The following EDRF1 variants were observed in gnomAD, a reference collection of about 807,000 sequenced individuals.
EDRF1 encodes erythroid differentiation regulatory factor 1, also known as erythroid differentiation-related factor 1.
A neutral mutation model predicts 148.7 loss-of-function variants in EDRF1; 69 were observed. That is an observed-to-expected ratio of 0.46 (90% CI 0.38 to 0.57). The LOEUF (loss-of-function observed/expected upper bound fraction) is 0.57. Among genes scored for constraint, EDRF1 ranks in the 20% least tolerant of loss-of-function variants. The pLI is 0.00. For synonymous variants in EDRF1, 515 were observed against 532.8 expected (o/e 0.97, Z 0.46); for missense variants, 1,118 against 1,478.7 (o/e 0.76, Z 4.00).
intron 24 of EDRF1, 122 bp downstream of exon 24, chr10:125,753,967 G>A (rs1849766635): frequency 2.7e-6 from 3 of 1,094,432 alleles, no homozygotes; most frequent in Middle Eastern, 3.0e-4. Context: ...TGCAATCCCA[G>A]CACTTTGGGA....
rs117113023 is a variant in EDRF1 at position 125,732,332 on chromosome 10, G to C, written c.1129-1072G>C. Among the ~76,000 whole-genome samples the C allele has an allele frequency of 2.3e-3, 357 of 152,292 alleles. 9 individuals carry two copies. In the East Asian group the frequency reaches 0.059, roughly 25 times the overall value. The stretch of plus-strand genomic sequence containing the variant: ...CCAGGGTTTAGGGACTAGAATAATG[G>C]TGGTGCCATTTAGTGAGATAAGGAT... On this transcript the variant is annotated intron_variant, in intron 9 of 24. Coordinates refer to ENST00000356792, the MANE Select transcript of EDRF1 (RefSeq NM_001202438.2).
In EDRF1 at chr10:125,733,510, C is replaced by T. The variant is rs1314106028; in HGVS notation, c.1235C>T (p.Ser412Phe). ...IAQNILSFLKSNCTKEGHTYW... is the reference protein window; with the variant it reads ...IAQNILSFLKFNCTKEGHTYW... ...CAGAATATTTTATCATTTTTGAAAT[C>T]TAATTGTACCAAAGAAGGACATACC... is the stretch of plus-strand genomic sequence containing the variant. The change falls in exon 10 of 25, where the codon TCT (serine) becomes TTT (phenylalanine). Residue 412 changes from serine (S) to phenylalanine (F), a missense_variant. This residue lies in a region of EDRF1 where 954 missense variants were observed against 1,241.4 expected (regional missense o/e 0.77). Transcript: ENST00000356792. The T allele has an allele frequency of 6.3e-7, 1 of 1,598,784 alleles. No homozygotes were observed. Among genetic ancestry groups the T allele is most frequent in the Non-Finnish European group, 8.6e-7 (1 of 1,166,342 alleles).
chr10:125,740,894 C>A, intron 16 of EDRF1, 107 bp from the exon 17 acceptor site: 1 of 1,229,240 alleles, frequency 8.1e-7, no homozygotes, highest in Non-Finnish European at 1.2e-6. Flanking sequence ...AGAATAGATA[C>A]AGTGCTACAA....
At chr10:125,720,825 AAAG>A in intron 1 of EDRF1, among the ~76,000 whole-genome samples, 1 of 152,080 alleles carries the variant, frequency 6.6e-6, no homozygotes, top group South Asian at 2.1e-4. Flanking sequence ...AAAAAAAAAA[AAAG>A]AATTAAAATA....
chr10:125,747,283 G>A (rs1359266774), intron 19 of EDRF1: 3 of 496,582 alleles, frequency 6.0e-6, no homozygotes, highest in East Asian at 3.6e-5. Context: ...GAGTCAGAAA[G>A]CAGCAGCACG....
chr10:125,739,619 C>T (rs903500171), intron 15 of EDRF1, among the ~76,000 whole-genome samples: 1 of 152,202 alleles, frequency 6.6e-6, no homozygotes, highest in Non-Finnish European at 1.5e-5. Flanking sequence ...AATCCATACA[C>T]ACATTAAACC....
At chr10:125,752,968 G>A in intron 23 of EDRF1, 54 bp downstream of exon 23, 1 of 1,257,300 alleles carries the variant, frequency 8.0e-7, no homozygotes, top group Admixed American at 1.7e-5. Context: ...GCTACATGGT[G>A]AATGTATATA....
At position 125,747,950 on chromosome 10, in the gene EDRF1, T is replaced by C; in HGVS notation, c.3061T>C (p.Tyr1021His). 1 of 1,614,230 alleles carries C rather than the reference T, an allele frequency of 6.2e-7. No individual in the cohort carries two copies. Reference protein sequence around the residue: ...SVSARQPLCQYRAATIHHRLA... With the variant: ...SVSARQPLCQHRAATIHHRLA... ...GTCTGCTCGACAGCCCCTTTGTCAG[T>C]ATCGAGCTGCAACCATCCATCACAG... is the stretch of plus-strand genomic sequence containing the variant. The change falls in exon 21 of 25, where the codon TAT becomes CAT. Residue 1021 changes from tyrosine (Y) to histidine (H), a missense_variant. Coordinates refer to ENST00000356792, the MANE Select transcript of EDRF1 (RefSeq NM_001202438.2).
chr10:125,732,700 G>A lies in EDRF1; in HGVS notation c.1129-704G>A, dbSNP rs1330511616. 3.3e-5 allele frequency among the ~76,000 whole-genome samples: 5 copies of A among 152,184 alleles called. No homozygotes were observed. In the South Asian group the frequency reaches 1.0e-3, roughly 32 times the overall value. On this transcript the variant is annotated intron_variant, in intron 9 of 24. Transcript: ENST00000356792. Reference sequence around the variant, plus strand: ...AGTGGGGTGAAAATCAACCTCAGACGATTGTGTTTGGTCTTACATTCCAGT... The same window carrying A: ...AGTGGGGTGAAAATCAACCTCAGACAATTGTGTTTGGTCTTACATTCCAGT...
At chr10:125,747,755 A>C in intron 20 of EDRF1, 61 bp downstream of exon 20, 1 of 1,611,176 alleles carries the variant, frequency 6.2e-7, no homozygotes, top group Non-Finnish European at 8.5e-7. Context: ...TTTAACAAAT[A>C]TTTAGCGTCT....
intron 24 of EDRF1, 40 bp downstream of exon 24, chr10:125,753,885 A>C: frequency 6.2e-7 from 1 of 1,606,360 alleles, no homozygotes; most frequent in Non-Finnish European, 8.5e-7. Flanking sequence ...CTTTCCTAGC[A>C]CCCTACCTAT....
chr10:125,731,801 T>G, intron 9 of EDRF1: 1 of 428,070 alleles, frequency 2.3e-6, no homozygotes, highest in Non-Finnish European at 4.8e-6. Context: ...ATTTATTGAG[T>G]GCTTATTTTA....
chr10:125,745,735 A>G lies in EDRF1; in HGVS notation c.2619A>G (p.Gln873=), dbSNP rs1197049576. 3.1e-6 allele frequency: 5 copies of G among 1,614,254 alleles called. No individual in the cohort carries two copies. The change falls in exon 19 of 25, where the codon CAA becomes CAG. Residue 873 remains glutamine (Q), a synonymous_variant. Coordinates refer to ENST00000356792, the MANE Select transcript of EDRF1 (RefSeq NM_001202438.2). ...LVSKSVSAAE[Q]QLWKKSFSCF... is the part of the protein sequence containing the mutation. ...GCAAATCTGTGTCTGCTGCCGAGCA[A>G]CAGTTGTGGAAAAAAAGCTTTTCTT...
intron 24 of EDRF1, among the ~76,000 whole-genome samples, chr10:125,758,616 C>T (rs773420946): frequency 1.3e-5 from 2 of 152,130 alleles, no homozygotes; most frequent in Non-Finnish European, 2.9e-5. Flanking sequence ...TAGCAGTCCT[C>T]GTGTGTAGGG....
chr10:125,753,712 G>A lies in EDRF1; in HGVS notation c.3412G>A (p.Ala1138Thr), dbSNP rs566928523. The A allele has an allele frequency of 5.5e-5, 89 of 1,613,824 alleles. No individual in the cohort carries two copies. The highest frequency in any genetic ancestry group is 4.0e-4 in the South Asian group (36 of 91,070). Residue 1138 changes from alanine (A) to threonine (T), a missense_variant, in exon 24 of 25, where the codon GCT (alanine) becomes ACT (threonine). Coordinates refer to ENST00000356792, the MANE Select transcript of EDRF1 (RefSeq NM_001202438.2). ...TTTTTAGCCTAAGAGTGGTGACGCC[G>A]CTGCAGCTGCTGATGCTTCTCCTAG... is the stretch of plus-strand genomic sequence containing the variant. ...EFGQPKSGDAAAAADASPSLN... is the reference protein window; with the variant it reads ...EFGQPKSGDATAAADASPSLN...
chr10:125,754,324 G>T (rs1167312889), intron 24 of EDRF1, among the ~76,000 whole-genome samples: 1 of 152,138 alleles, frequency 6.6e-6, no homozygotes, highest in Non-Finnish European at 1.5e-5. Context: ...GTTAAACTAG[G>T]TAAGAACCCT....
chr10:125,724,144 A>G (rs1035217660), intron 4 of EDRF1, among the ~76,000 whole-genome samples: 1 of 152,208 alleles, frequency 6.6e-6, no homozygotes, highest in Non-Finnish European at 1.5e-5. Flanking sequence ...ATTGATTCCA[A>G]CAGCCAGATT....
chr10:125,735,556 C>T, intron 12 of EDRF1, 88 bp from the exon 13 acceptor site: 1 of 1,325,234 alleles, frequency 7.5e-7, no homozygotes, highest in Non-Finnish European at 1.1e-6. Flanking sequence ...TGTGTGCAGA[C>T]CTCCTCCTAA....
At chr10:125,738,029 G>T in intron 14 of EDRF1, 40 bp downstream of exon 14, 1 of 1,573,152 alleles carries the variant, frequency 6.4e-7, no homozygotes, top group Non-Finnish European at 8.7e-7. Flanking sequence ...CGTAAAGTTT[G>T]TACTTGATTA....
Sources: gnomAD v4.1 joint callset for allele counts (sites outside exome capture counted in the v4.1 genomes callset) on GRCh38, gnomAD v4.1.1 for gene constraint, gnomAD v4.1.1 regional missense constraint, MANE v1.5 for transcripts, NCBI Gene and HGNC (gene_info 2026-07-23, HGNC 2026-07-21) for gene names.